Variants in ZYG11B observed in about 807,000 individuals in gnomAD.
ZYG11B encodes the protein zyg-11 family member B, cell cycle regulator.
In ZYG11B, 36 loss-of-function variants were observed where a neutral mutation model predicts 82.4. That is an observed-to-expected ratio of 0.44 (90% CI 0.33 to 0.58). The LOEUF (loss-of-function observed/expected upper bound fraction) is 0.58. Among genes scored for constraint, ZYG11B ranks in the 20% least tolerant of loss-of-function variants. ZYG11B has a pLI of 0.02. For missense variants in ZYG11B, 552 were observed against 895.6 expected (o/e 0.62, Z 4.90); for synonymous variants, 303 against 312.8 (o/e 0.97, Z 0.33).
In ZYG11B at chr1:52,817,249, A is replaced by G. The variant is rs75887817; in HGVS notation, c.2044+620A>G. Among the ~76,000 whole-genome samples, 142 of 152,308 alleles carry G rather than the reference A, an allele frequency of 9.3e-4. 3 individuals carry two copies. In the East Asian group the frequency reaches 0.023, roughly 24 times the overall value. On this transcript the variant is annotated intron_variant, in intron 13 of 13. Coordinates refer to ENST00000294353, the MANE Select transcript of ZYG11B (RefSeq NM_024646.3). ...TGAGTAAAAGGTCTTAAGTAGATCC[A>G]CTGTTTATGGTACATTCCGGTGCCC...
intron 1 of ZYG11B, among the ~76,000 whole-genome samples, chr1:52,756,173 T>C (rs1396283806): frequency 6.6e-6 from 1 of 152,218 alleles, no homozygotes; most frequent in African/African-American, 2.4e-5. Context: ...TCACCATCCC[T>C]GACTGATTAG....
chr1:52,800,797 A>G (rs1645069678), intron 8 of ZYG11B, among the ~76,000 whole-genome samples: 1 of 152,050 alleles, frequency 6.6e-6, no homozygotes, highest in Non-Finnish European at 1.5e-5. Context: ...GCAAAACAGC[A>G]AGACTCTGTC....
chr1:52,762,981 G>GGC (rs1553259214), intron 2 of ZYG11B, among the ~76,000 whole-genome samples: 1 of 139,266 alleles, frequency 7.2e-6, no homozygotes, highest in African/African-American at 2.6e-5. Context: ...GAGATTGGGG[G>GGC]GGGGGGGTCT....
At chr1:52,816,321 C>A (rs562290172) in intron 12 of ZYG11B, among the ~76,000 whole-genome samples, 1 of 152,248 alleles carries the variant, frequency 6.6e-6, no homozygotes, top group Admixed American at 6.5e-5. Context: ...CTACCATGTT[C>A]TAATCACCTT....
chr1:52,767,023 TTTTATTTTA>T (rs906970311), intron 2 of ZYG11B, among the ~76,000 whole-genome samples: 1 of 150,838 alleles, frequency 6.6e-6, no homozygotes, highest in African/African-American at 2.4e-5. Flanking sequence ...AAAAAAATTA[TTTTATTTTA>T]TTTATTTTAT....
At chr1:52,817,777 G>GTGTATATATATATATATATA (rs1352242565) in intron 13 of ZYG11B, among the ~76,000 whole-genome samples, 2 of 41,540 alleles carry the variant, frequency 4.8e-5, no homozygotes, top group Non-Finnish European at 7.7e-5. Context: ...ATATATATGT[G>GTGTATATATATATATATATA]TATATATATA....
chr1:52,810,850 C>T (rs569026653), intron 10 of ZYG11B, among the ~76,000 whole-genome samples: 11 of 152,150 alleles, frequency 7.2e-5, no homozygotes, highest in Admixed American at 6.5e-4. Flanking sequence ...GCCTGGCCAA[C>T]ATGGCGAAAC....
intron 1 of ZYG11B, among the ~76,000 whole-genome samples, chr1:52,751,111 C>G (rs1571749809): frequency 6.6e-6 from 1 of 152,054 alleles, no homozygotes; most frequent in Admixed American, 6.6e-5. Flanking sequence ...TCCTGAGTAA[C>G]TAAGACTACA....
intron 9 of ZYG11B, 47 bp downstream of exon 9, chr1:52,802,027 T>G (rs955460317): frequency 1.3e-6 from 2 of 1,582,974 alleles, no homozygotes; most frequent in East Asian, 4.5e-5. Flanking sequence ...ATTAATTTAT[T>G]TACTTTAGCA....
chr1:52,730,088 G>A (rs940346905), intron 1 of ZYG11B, among the ~76,000 whole-genome samples: 4 of 152,036 alleles, frequency 2.6e-5, no homozygotes, highest in African/African-American at 7.2e-5. Flanking sequence ...AATTATAGAC[G>A]TGAACTACTA....
intron 2 of ZYG11B, among the ~76,000 whole-genome samples, chr1:52,768,742 C>T (rs1644721123): frequency 6.6e-6 from 1 of 151,980 alleles, no homozygotes; most frequent in African/African-American, 2.4e-5. Flanking sequence ...TACAGGCGCG[C>T]ACCACCACAC....
At chr1:52,787,013 C>T (rs1644918577) in intron 5 of ZYG11B, among the ~76,000 whole-genome samples, 1 of 151,926 alleles carries the variant, frequency 6.6e-6, no homozygotes, top group African/African-American at 2.4e-5. Flanking sequence ...TCGCTTGAAC[C>T]CGGGAGGGGG....
chr1:52,726,692 G>T lies in ZYG11B; in HGVS notation c.30+9G>T. ...AGGCCGGCGCAGCCATGGTGAGGGA[G>T]CAAGGCCTGCCCTAGCCGCAGCCGC... On this transcript the variant is annotated intron_variant, in intron 1 of 13. Transcript: ENST00000294353. The T allele has an allele frequency of 2.0e-6, 3 of 1,477,440 alleles. No individual in the cohort carries two copies. In the South Asian group the frequency reaches 3.8e-5, roughly 19 times the overall value. 91.5% of individuals were successfully genotyped at this position (1,477,440 alleles called of 1,614,324 possible).
intron 4 of ZYG11B, among the ~76,000 whole-genome samples, chr1:52,783,855 T>TGCGTATGTACATACAC (rs1553260806): frequency 4.8e-5 from 7 of 146,640 alleles, no homozygotes; most frequent in African/African-American, 1.5e-4. Flanking sequence ...CATACACGTG[T>TGCGTATGTACATACAC]GTGTGTATGT....
At position 52,771,406 on chromosome 1, in the gene ZYG11B, A is replaced by G. The variant is rs770057855; in HGVS notation, c.583A>G (p.Asn195Asp). Residue 195 changes from asparagine to aspartate, a missense_variant, in exon 3 of 14, where the codon AAC becomes GAC. Around this residue, in one of 3 missense-constraint regions of ZYG11B, gnomAD observed 359 missense variants for 555.8 expected, o/e 0.65. Coordinates refer to ENST00000294353, the MANE Select transcript of ZYG11B (RefSeq NM_024646.3). The surrounding 1 kb of genome is among the most constrained non-coding windows in gnomAD (Gnocchi z 5.4). The part of the protein sequence containing the change: ...LPRLESLDIS[N>D]TSITDITALL... ...AAGATTAGAGAGCTTGGATATTTCTAACACCTCAATCACAGACATCACTGC... is the reference window on the plus strand; with the variant it reads ...AAGATTAGAGAGCTTGGATATTTCTGACACCTCAATCACAGACATCACTGC... 1.9e-6 allele frequency: 3 copies of G among 1,614,010 alleles called. No individual in the cohort carries two copies. The highest frequency in any genetic ancestry group is 1.3e-5 in the African/African-American group (1 of 74,930).
rs1159086685 is a variant in ZYG11B, at chr1:52,827,039, C to T, written c.*5410C>T. The T allele has an allele frequency of 2.0e-5, 3 of 152,152 alleles. No individual in the cohort carries two copies. The highest frequency in any genetic ancestry group is 1.3e-4 in the Admixed American group (2 of 15,268). 9.4% of individuals were successfully genotyped at this position (152,152 alleles called of 1,614,324 possible). On this transcript the variant is annotated 3_prime_UTR_variant, in exon 14 of 14. Transcript: ENST00000294353. ...AAATCCCTGACTTTTGTAGAATTCC[C>T]ACTGTCAAATTCTCACTGACTTATG...
intron 2 of ZYG11B, among the ~76,000 whole-genome samples, chr1:52,760,639 G>A (rs1644621604): frequency 6.6e-6 from 1 of 151,532 alleles, no homozygotes; most frequent in Admixed American, 6.6e-5. Context: ...TTTATTTTTT[G>A]TAGAGACAGG....
At chr1:52,778,636 C>G (rs1644828940) in intron 3 of ZYG11B, among the ~76,000 whole-genome samples, 1 of 152,200 alleles carries the variant, frequency 6.6e-6, no homozygotes, top group East Asian at 1.9e-4. Context: ...CTAGATCTAT[C>G]AATTCATTGG....
chr1:52,810,855 C>T (rs367709196), intron 10 of ZYG11B, among the ~76,000 whole-genome samples: 6 of 151,688 alleles, frequency 4.0e-5, no homozygotes, highest in East Asian at 1.9e-4. Context: ...GCCAACATGG[C>T]GAAACCCTGT....
Sources: gnomAD v4.1 joint callset for allele counts (sites outside exome capture counted in the v4.1 genomes callset) on GRCh38, gnomAD v4.1.1 for gene constraint, gnomAD v4.1.1 regional missense constraint, Gnocchi (gnomAD v3.1) non-coding constraint, MANE v1.5 for transcripts, NCBI Gene and HGNC (gene_info 2026-07-23, HGNC 2026-07-21) for gene names.